The following SYK variants were observed in gnomAD, a reference collection of about 807,000 sequenced individuals.
SYK encodes tyrosine-protein kinase SYK.
Under a neutral mutation model 77.8 loss-of-function variants are expected in SYK, and 16 were observed. The ratio of observed to expected loss-of-function variants is 0.21; its 90% CI spans 0.14 to 0.31. The LOEUF (loss-of-function observed/expected upper bound fraction) is 0.31. Ranked by LOEUF, SYK falls within the 10% of genes least tolerant of loss-of-function variation. SYK has a pLI of 1.00. For missense variants in SYK, 529 were observed against 814.4 expected, an observed-to-expected ratio of 0.65 and a Z score of 4.26; for synonymous variants, 312 against 308.7, an observed-to-expected ratio of 1.01 and a Z score of -0.11.
At chr9:90,883,111 C>G (rs1239042482) in intron 11 of SYK, among the ~76,000 whole-genome samples, 1 of 152,106 alleles carries the variant, frequency 6.6e-6, no homozygotes, top group Non-Finnish European at 1.5e-5. Flanking sequence ...TGCATCTTGC[C>G]CTGGGACTAT....
At chr9:90,882,025 C>T (rs1015351308) in intron 11 of SYK, among the ~76,000 whole-genome samples, 3 of 152,202 alleles carry the variant, frequency 2.0e-5, no homozygotes, top group Non-Finnish European at 4.4e-5. Flanking sequence ...AATATGTCTA[C>T]TATACATGGT....
At chr9:90,802,390 C>T (rs1339156913) in intron 1 of SYK, among the ~76,000 whole-genome samples, 1 of 152,210 alleles carries the variant, frequency 6.6e-6, no homozygotes, top group Non-Finnish European at 1.5e-5. Context: ...AAATCTTTTA[C>T]TACAAAAAGA....
At chr9:90,803,416 T>C (rs1290890412) in intron 1 of SYK, among the ~76,000 whole-genome samples, 1 of 152,168 alleles carries the variant, frequency 6.6e-6, no homozygotes, top group African/African-American at 2.4e-5. Flanking sequence ...GTATTTGAAG[T>C]GAAATATAAA....
intron 1 of SYK, among the ~76,000 whole-genome samples, chr9:90,812,770 TGTGTGTGTGA>T (rs930647546): frequency 1.2e-4 from 11 of 89,988 alleles, no homozygotes; most frequent in African/African-American, 3.2e-4. Context: ...TGTGTGTGTG[TGTGTGTGTGA>T]GAGAGAGAGA....
intron 1 of SYK, among the ~76,000 whole-genome samples, chr9:90,831,237 AG>A (rs1423026513): frequency 2.0e-5 from 3 of 152,138 alleles, no homozygotes; most frequent in Non-Finnish European, 4.4e-5. Flanking sequence ...TGTGAACTAC[AG>A]GAAGTTGAGG....
In SYK at chr9:90,894,789, G is replaced by A. The variant is rs143557077; in HGVS notation, c.1836-739G>A. Among the ~76,000 whole-genome samples the A allele has an allele frequency of 3.9e-4, 59 of 152,356 alleles. 1 individual carries two copies. In the East Asian group the frequency reaches 0.011, roughly 29 times the overall value. The stretch of plus-strand genomic sequence containing the variant: ...TACTTCCAACTGATCTGTACAGGAT[G>A]TCTGTGTAAGACAAAACAGAAGTGT... On this transcript the variant is annotated intron_variant, in intron 13 of 13. Coordinates refer to ENST00000375754, the MANE Select transcript of SYK (RefSeq NM_003177.7).
intron 1 of SYK, among the ~76,000 whole-genome samples, chr9:90,813,565 A>G (rs1825176418): frequency 6.6e-6 from 1 of 152,136 alleles, no homozygotes; most frequent in South Asian, 2.1e-4. Flanking sequence ...CATCTGCAAA[A>G]TGAGGTTAAA....
At chr9:90,812,774 TGTGTGA>T (rs1388174235) in intron 1 of SYK, among the ~76,000 whole-genome samples, 44 of 89,960 alleles carry the variant, frequency 4.9e-4, no homozygotes, top group African/African-American at 1.1e-3. Flanking sequence ...TGTGTGTGTG[TGTGTGA>T]GAGAGAGAGA....
intron 3 of SYK, among the ~76,000 whole-genome samples, chr9:90,850,123 T>C (rs1361448108): frequency 6.6e-6 from 1 of 152,236 alleles, no homozygotes; most frequent in Non-Finnish European, 1.5e-5. Context: ...TAGGTGTGTT[T>C]ATTTCCACTC....
At chr9:90,817,167 A>G (rs929602598) in intron 1 of SYK, among the ~76,000 whole-genome samples, 1 of 152,146 alleles carries the variant, frequency 6.6e-6, no homozygotes, top group South Asian at 2.1e-4. Context: ...TTCTTCTTCC[A>G]GTGTGGCCCA....
In SYK at chr9:90,874,745, G is replaced by A. The variant is rs2118870200; in HGVS notation, c.1077G>A (p.Arg359=). The stretch of plus-strand genomic sequence containing the variant: ...CCTACGCGGACCCCGAGGAGATCAG[G>A]CCCAAGGAGGTTTACCTGGACCGAA... The part of the protein sequence containing the change: ...ESPYADPEEI[R]PKEVYLDRKL... Residue 359 remains arginine (R), a synonymous_variant, in exon 9 of 14, where the codon AGG becomes AGA. Transcript: ENST00000375754. The A allele has an allele frequency of 6.2e-7, 1 of 1,614,128 alleles. No homozygotes were observed. Among genetic ancestry groups the A allele is most frequent in the Non-Finnish European group, 8.5e-7 (1 of 1,180,026 alleles).
intron 7 of SYK, among the ~76,000 whole-genome samples, chr9:90,869,313 G>A (rs1343641891): frequency 1.3e-5 from 2 of 151,824 alleles, no homozygotes; most frequent in African/African-American, 2.4e-5. Context: ...AAGTTTAGAA[G>A]AACTTTAAAG....
At position 90,895,362 on chromosome 9, in the gene SYK, G is replaced by T. The variant is rs1828943329; in HGVS notation, c.1836-166G>T. On this transcript the variant is annotated intron_variant, in intron 13 of 13. Transcript: ENST00000375754. The surrounding 1 kb of genome is among the most constrained non-coding windows in gnomAD (Gnocchi z 4.4). ...CCGACACTATTTTTGACAGCCTTGT[G>T]GTCACCCTGGGGTGGGGGGCACAGG... Among the ~76,000 whole-genome samples the T allele has an allele frequency of 6.6e-6, 1 of 152,166 alleles. No individual in the cohort carries two copies. The highest frequency in any genetic ancestry group is 2.4e-5 in the African/African-American group (1 of 41,432).
chr9:90,821,522 A>G (rs1047342397), intron 1 of SYK, among the ~76,000 whole-genome samples: 1 of 152,206 alleles, frequency 6.6e-6, no homozygotes, highest in African/African-American at 2.4e-5. Flanking sequence ...CCATGAGAAT[A>G]GCATGGGAAA....
At chr9:90,812,741 A>ATGTGTGTGTGTGTATGTGTGTGTGTG (rs1554704336) in intron 1 of SYK, among the ~76,000 whole-genome samples, 1 of 109,894 alleles carries the variant, frequency 9.1e-6, no homozygotes, top group African/African-American at 3.3e-5. Context: ...CCCATTTGAT[A>ATGTGTGTGTGTGTATGTGTGTGTGTG]TGTGTGTGTG....
At chr9:90,840,631 A>AGCACG (rs763210595) in intron 1 of SYK, among the ~76,000 whole-genome samples, 153 of 152,036 alleles carry the variant, frequency 1.0e-3, no homozygotes, top group Non-Finnish European at 1.9e-3. Context: ...GAGACTCATC[A>AGCACG]GCACACTGTG....
chr9:90,893,466 CAGAG>C (rs1364602781), intron 13 of SYK, among the ~76,000 whole-genome samples: 1 of 151,940 alleles, frequency 6.6e-6, no homozygotes, highest in Non-Finnish European at 1.5e-5. Flanking sequence ...TAGAGACAGA[CAGAG>C]AGAGCGGGAG....
At chr9:90,813,710 G>A (rs1825182368) in intron 1 of SYK, among the ~76,000 whole-genome samples, 1 of 152,172 alleles carries the variant, frequency 6.6e-6, no homozygotes, top group South Asian at 2.1e-4. Flanking sequence ...AATAGCTACT[G>A]GTTACCAGGG....
intron 4 of SYK, among the ~76,000 whole-genome samples, 195 bp downstream of exon 4, chr9:90,862,539 A>C (rs1223608260): frequency 1.3e-5 from 2 of 152,150 alleles, no homozygotes; most frequent in Non-Finnish European, 2.9e-5. Flanking sequence ...CCTGCCCATC[A>C]GACCCCACTT....
Sources: allele counts gnomAD v4.1 joint callset (sites outside exome capture counted in the v4.1 genomes callset), GRCh38; gene constraint gnomAD v4.1.1; non-coding constraint Gnocchi (gnomAD v3.1); transcripts MANE v1.5; gene names NCBI Gene and HGNC (gene_info 2026-07-23, HGNC 2026-07-21).